The following MIPOL1 variants were observed in gnomAD, a reference collection of about 807,000 sequenced individuals.
The protein encoded by MIPOL1 is mirror-image polydactyly 1, also known as mirror-image polydactyly gene 1 protein.
A neutral mutation model predicts 60.9 loss-of-function variants in MIPOL1; 57 were observed. The observed-to-expected ratio is 0.94, with a 90% CI of 0.76 to 1.17. The LOEUF (loss-of-function observed/expected upper bound fraction) is 1.17, where lower values mean the gene tolerates loss of function less well. MIPOL1 is among the 50% of genes most tolerant of loss of function. The probability of loss-of-function intolerance (pLI) is 0.00; values close to 1 mark genes in which losing one functional copy is unlikely to be tolerated. For synonymous variants in MIPOL1, 179 were observed against 168.8 expected, an observed-to-expected ratio of 1.06 and a Z score of -0.47; for missense variants, 551 against 511.6, an observed-to-expected ratio of 1.08 and a Z score of -0.74.
At chr14:37,306,834 GA>G (rs1274662761) in intron 7 of MIPOL1, among the ~76,000 whole-genome samples, 2 of 151,492 alleles carry the variant, frequency 1.3e-5, no homozygotes, top group African/African-American at 4.8e-5. Flanking sequence ...TTATTTTGAA[GA>G]AAAAAAGATA....
chr14:37,271,157 G>A (rs1337372593), intron 6 of MIPOL1, among the ~76,000 whole-genome samples: 8 of 151,910 alleles, frequency 5.3e-5, no homozygotes, highest in African/African-American at 1.9e-4. Flanking sequence ...TTTTTGATAT[G>A]TTATAGATAC....
chr14:37,454,116 T>C (rs2094451201), intron 11 of MIPOL1, among the ~76,000 whole-genome samples: 1 of 152,258 alleles, frequency 6.6e-6, no homozygotes, highest in Non-Finnish European at 1.5e-5. Flanking sequence ...ATTGACACAC[T>C]ATGTCATACA....
At chr14:37,527,485 T>A (rs1566778207) in intron 12 of MIPOL1, among the ~76,000 whole-genome samples, 1 of 152,132 alleles carries the variant, frequency 6.6e-6, no homozygotes, top group African/African-American at 2.4e-5. Context: ...AATTCAGATT[T>A]GTTTATCTTA....
chr14:37,307,164 C>T (rs755504089), intron 7 of MIPOL1, among the ~76,000 whole-genome samples: 5 of 151,670 alleles, frequency 3.3e-5, no homozygotes, highest in Non-Finnish European at 7.4e-5. Flanking sequence ...ATCACAGGAG[C>T]ACAGAAACGG....
At chr14:37,459,203 T>A (rs1474597486) in intron 11 of MIPOL1, among the ~76,000 whole-genome samples, 2 of 150,634 alleles carry the variant, frequency 1.3e-5, no homozygotes, top group Non-Finnish European at 3.0e-5. Flanking sequence ...ATGAAAAAAA[T>A]GAATCAAAGA....
chr14:37,353,788 C>G (rs2091591242), intron 9 of MIPOL1, among the ~76,000 whole-genome samples: 1 of 152,028 alleles, frequency 6.6e-6, no homozygotes, highest in South Asian at 2.1e-4. Flanking sequence ...ATATTTGATT[C>G]TTCTCTCTTT....
chr14:37,227,286 A>G (rs1435549015), intron 1 of MIPOL1, among the ~76,000 whole-genome samples: 1 of 152,146 alleles, frequency 6.6e-6, no homozygotes, highest in Non-Finnish European at 1.5e-5. Flanking sequence ...GAAATGGTGC[A>G]TTTCCCCCAA....
intron 7 of MIPOL1, among the ~76,000 whole-genome samples, chr14:37,293,631 G>A (rs1298440650): frequency 1.3e-5 from 2 of 152,098 alleles, no homozygotes; most frequent in Non-Finnish European, 2.9e-5. Context: ...TTTTCCAATG[G>A]GCTTATCAAA....
chr14:37,321,197 T>A (rs2088539364), intron 9 of MIPOL1, among the ~76,000 whole-genome samples: 1 of 152,028 alleles, frequency 6.6e-6, no homozygotes. Flanking sequence ...AAATGATTGA[T>A]CTTTTCATGA....
At chr14:37,504,915 G>A (rs937486372) in intron 12 of MIPOL1, 1 of 152,088 alleles carries the variant, frequency 6.6e-6, no homozygotes, top group East Asian at 1.9e-4. Context: ...AAATGACAAA[G>A]GGGATATCAC....
chr14:37,342,973 GT>G (rs1395267229), intron 9 of MIPOL1, among the ~76,000 whole-genome samples: 2 of 149,592 alleles, frequency 1.3e-5, no homozygotes, highest in African/African-American at 2.4e-5. Context: ...TTTTAGGATT[GT>G]TTATATGTAG....
chr14:37,500,264 C>T, intron 12 of MIPOL1, 126 bp downstream of exon 12: 1 of 741,280 alleles, frequency 1.3e-6, no homozygotes, highest in Non-Finnish European at 2.1e-6. Flanking sequence ...TAGAATTAAC[C>T]CAGTGAACTT....
At chr14:37,393,998 A>G (rs747063180) in intron 10 of MIPOL1, among the ~76,000 whole-genome samples, 4 of 142,664 alleles carry the variant, frequency 2.8e-5, no homozygotes, top group East Asian at 2.2e-4. Flanking sequence ...ATAGTCTCCA[A>G]TCTCATCCAG....
chr14:37,277,410 C>T (rs1214357327), intron 6 of MIPOL1: 2 of 151,052 alleles, frequency 1.3e-5, no homozygotes, highest in Non-Finnish European at 3.0e-5. Context: ...GATTTTAATG[C>T]TTCAGGGATA....
chr14:37,464,300 C>T (rs2094573309), intron 11 of MIPOL1, among the ~76,000 whole-genome samples: 1 of 152,160 alleles, frequency 6.6e-6, no homozygotes, highest in Non-Finnish European at 1.5e-5. Context: ...GCATTTATCT[C>T]AACACTAGTA....
intron 9 of MIPOL1, among the ~76,000 whole-genome samples, chr14:37,324,739 G>T (rs1362055384): frequency 6.6e-6 from 1 of 152,072 alleles, no homozygotes; most frequent in Non-Finnish European, 1.5e-5. Flanking sequence ...GTAAGATAAA[G>T]ATTGAAGTTC....
chr14:37,497,560 G>C (rs1467087276), intron 11 of MIPOL1, among the ~76,000 whole-genome samples: 1 of 152,178 alleles, frequency 6.6e-6, no homozygotes, highest in African/African-American at 2.4e-5. Context: ...AGCATTAAGA[G>C]TCAGGCATGG....
intron 12 of MIPOL1, among the ~76,000 whole-genome samples, chr14:37,533,924 A>G (rs1403991568): frequency 2.6e-5 from 4 of 152,026 alleles, no homozygotes; most frequent in Non-Finnish European, 4.4e-5. Flanking sequence ...CTCCATCTCT[A>G]CTAAAGTACA....
intron 7 of MIPOL1, among the ~76,000 whole-genome samples, chr14:37,291,575 A>T (rs1005641044): frequency 6.6e-6 from 1 of 152,062 alleles, no homozygotes; most frequent in East Asian, 1.9e-4. Context: ...TAAAATGCCA[A>T]CCGTGGGTAG....
Sources: allele counts gnomAD v4.1 joint callset (sites outside exome capture counted in the v4.1 genomes callset), GRCh38; gene constraint gnomAD v4.1.1; transcripts MANE v1.5; gene names NCBI Gene and HGNC (gene_info 2026-07-23, HGNC 2026-07-21).